Variants in MYRIP observed in about 807,000 individuals in gnomAD.
The protein encoded by MYRIP is myosin VIIA and Rab interacting protein.
A neutral mutation model predicts 98.0 loss-of-function variants in MYRIP; 49 were observed. That is an observed-to-expected ratio of 0.50 (90% confidence interval 0.40 to 0.63). The LOEUF (loss-of-function observed/expected upper bound fraction) is 0.63. MYRIP is among the 30% of genes least tolerant of loss of function. The pLI, the probability that MYRIP is intolerant of heterozygous loss-of-function variation, is 0.00. For synonymous variants in MYRIP, 404 were observed against 409.5 expected (o/e 0.99, Z 0.16); for missense variants, 1,004 against 1,058.2 (o/e 0.95, Z 0.71).
chr3:40,102,576 C>T (rs1948966866), intron 3 of MYRIP, among the ~76,000 whole-genome samples: 1 of 152,110 alleles, frequency 6.6e-6, no homozygotes, highest in Non-Finnish European at 1.5e-5. Context: ...AGTGGAAGCC[C>T]AGTCCTTGAC....
chr3:40,256,471 A>G (rs1254506790), intron 16 of MYRIP, among the ~76,000 whole-genome samples: 3 of 152,108 alleles, frequency 2.0e-5, no homozygotes, highest in Non-Finnish European at 2.9e-5. Context: ...CCCAAAAAAC[A>G]TTTAATTAAG....
Position 40,162,661 on chromosome 3 carries a change from G to T in MYRIP, c.470-69G>T, listed in dbSNP as rs1316622574. On this transcript the variant is annotated intron_variant, in intron 4 of 16. Transcript: ENST00000302541. ...AGTGGTCTGCCAGTTCAGTGACACA[G>T]TGCATCAGGGTTCACTGAAGACCTT... 8.1e-6 allele frequency: 11 copies of T among 1,350,972 alleles called. No individual in the cohort carries two copies. The Admixed American group carries it at 1.7e-4, about 21-fold the overall frequency. 83.7% of individuals were successfully genotyped at this position (1,350,972 alleles called of 1,614,324 possible).
At chr3:39,908,003 C>T (rs774869902) in intron 2 of MYRIP, among the ~76,000 whole-genome samples, 27 of 152,186 alleles carry the variant, frequency 1.8e-4, no homozygotes, top group Non-Finnish European at 3.4e-4. Flanking sequence ...CAAACTGAGT[C>T]TTGGAGTCAT....
intron 2 of MYRIP, among the ~76,000 whole-genome samples, chr3:39,923,381 C>T (rs1944345865): frequency 6.6e-6 from 1 of 152,054 alleles, no homozygotes; most frequent in Admixed American, 6.6e-5. Flanking sequence ...AAGAAATCCA[C>T]ACCAAGACAC....
intron 2 of MYRIP, among the ~76,000 whole-genome samples, chr3:39,942,246 T>C (rs1182017650): frequency 6.6e-6 from 1 of 152,124 alleles, no homozygotes; most frequent in Non-Finnish European, 1.5e-5. Context: ...TGCAGTTTCC[T>C]TTGATCCCAT....
chr3:40,251,168 C>T (rs1281444737), intron 15 of MYRIP, among the ~76,000 whole-genome samples: 3 of 152,164 alleles, frequency 2.0e-5, no homozygotes, highest in Non-Finnish European at 4.4e-5. Flanking sequence ...AAGGGTGATA[C>T]CAAACTAGAA....
intron 3 of MYRIP, among the ~76,000 whole-genome samples, chr3:40,083,426 C>A (rs1279084449): frequency 6.6e-6 from 1 of 152,062 alleles, no homozygotes; most frequent in Non-Finnish European, 1.5e-5. Context: ...CTTATTCTTC[C>A]TTCTTCCTTT....
At chr3:40,162,851 G>A (rs1950426090) in intron 5 of MYRIP, 41 bp downstream of exon 5, 2 of 1,576,554 alleles carry the variant, frequency 1.3e-6, no homozygotes, top group East Asian at 2.2e-5. Flanking sequence ...GGAAGTTGGA[G>A]TAATAGAAAC....
At chr3:40,163,102 A>G in intron 5 of MYRIP, 1 of 282,626 alleles carries the variant, frequency 3.5e-6, no homozygotes, top group Non-Finnish European at 6.6e-6. Context: ...CAATCAATCC[A>G]CTCACTTGTG....
intron 2 of MYRIP, among the ~76,000 whole-genome samples, chr3:39,974,519 G>C (rs1945692663): frequency 6.6e-6 from 1 of 152,090 alleles, no homozygotes; most frequent in Admixed American, 6.6e-5. Context: ...CCAATCAATA[G>C]AAAAAGAGGG....
intron 4 of MYRIP, among the ~76,000 whole-genome samples, chr3:40,160,161 G>A (rs1358496222): frequency 6.6e-6 from 1 of 152,246 alleles, no homozygotes; most frequent in Non-Finnish European, 1.5e-5. Flanking sequence ...GTGATGTAGA[G>A]ATGGGTTTTT....
At chr3:39,919,693 GGTGTGTGTGTGT>G (rs62719862) in intron 2 of MYRIP, among the ~76,000 whole-genome samples, 3 of 143,266 alleles carry the variant, frequency 2.1e-5, no homozygotes, top group Non-Finnish European at 3.0e-5. Context: ...GGGTATGTGT[GGTGTGTGTGTGT>G]GTGTGTGTGT....
At chr3:40,050,814 G>A (rs1321720518) in intron 3 of MYRIP, among the ~76,000 whole-genome samples, 2 of 152,088 alleles carry the variant, frequency 1.3e-5, no homozygotes, top group African/African-American at 4.8e-5. Context: ...GTTGATTCCA[G>A]CCCACACTGA....
chr3:39,873,460 T>G (rs1344371558), intron 1 of MYRIP, among the ~76,000 whole-genome samples: 1 of 152,248 alleles, frequency 6.6e-6, no homozygotes, highest in Non-Finnish European at 1.5e-5. Context: ...TCTAGGATTT[T>G]TATGGTTTTA....
chr3:40,074,868 T>C (rs796616574), intron 3 of MYRIP, among the ~76,000 whole-genome samples: 38 of 152,300 alleles, frequency 2.5e-4, no homozygotes, highest in African/African-American at 8.2e-4. Flanking sequence ...AAAAGATATT[T>C]CACATCATAT....
chr3:40,052,205 C>A (rs1023654252), intron 3 of MYRIP, among the ~76,000 whole-genome samples: 1 of 151,982 alleles, frequency 6.6e-6, no homozygotes, highest in African/African-American at 2.4e-5. Context: ...CCTTTCCCAG[C>A]CCCTGGTAAC....
At chr3:39,990,777 A>C (rs1052270676) in intron 2 of MYRIP, among the ~76,000 whole-genome samples, 3 of 152,186 alleles carry the variant, frequency 2.0e-5, no homozygotes, top group Non-Finnish European at 4.4e-5. Context: ...GTGGACTCTG[A>C]ATGCATGTTC....
chr3:39,927,520 C>T, intron 2 of MYRIP, among the ~76,000 whole-genome samples: 1 of 151,870 alleles, frequency 6.6e-6, no homozygotes, highest in Non-Finnish European at 1.5e-5. Flanking sequence ...CTGATCAGAG[C>T]AATATCAAGT....
intron 1 of MYRIP, among the ~76,000 whole-genome samples, chr3:39,889,661 C>T (rs1943427830): frequency 6.6e-6 from 1 of 152,028 alleles, no homozygotes; most frequent in Non-Finnish European, 1.5e-5. Flanking sequence ...CACATGTACC[C>T]TAAAACTTAA....
Sources: allele counts gnomAD v4.1 joint callset (sites outside exome capture counted in the v4.1 genomes callset), GRCh38; gene constraint gnomAD v4.1.1; transcripts MANE v1.5; gene names NCBI Gene and HGNC (gene_info 2026-07-23, HGNC 2026-07-21).